HCN1: variants seen among roughly 807,000 people sequenced by gnomAD.
HCN1 encodes the protein potassium/sodium hyperpolarization-activated cyclic nucleotide-gated channel 1.
HCN1 carries 13 observed loss-of-function variants against 78.9 expected under a neutral mutation model. That is an observed-to-expected ratio of 0.16 (90% CI 0.11 to 0.26). The LOEUF (loss-of-function observed/expected upper bound fraction) is 0.26, where lower values mean the gene tolerates loss of function less well. Ranked by LOEUF, HCN1 falls within the 10% of genes least tolerant of loss-of-function variation. The probability of loss-of-function intolerance (pLI) is 1.00; values close to 1 mark genes in which losing one functional copy is unlikely to be tolerated. For missense variants in HCN1, 810 were observed against 1,154.3 expected (o/e 0.70, Z 4.32); for synonymous variants, 552 against 455.5 (o/e 1.21, Z -2.70).
chr5:45,262,212 G>C lies in HCN1; in HGVS notation c.2382C>G (p.Pro794=), dbSNP rs754764304. 5 of 1,613,898 alleles carry C rather than the reference G, an allele frequency of 3.1e-6. No individual in the cohort carries two copies. Among genetic ancestry groups the C allele is most frequent in the Non-Finnish European group, 4.2e-6 (5 of 1,180,042 alleles). The part of the protein sequence containing the change: ...RPLSASQPSL[P]HEVSTLISRP... ...TGGAAATCAGAGTGGACACCTCATG[G>C]GGCAGCGAGGGCTGCGAGGCGGAGA... The change falls in exon 8 of 8, where the codon CCC becomes CCG. Residue 794 remains proline, a synonymous_variant. Coordinates refer to ENST00000303230, the MANE Select transcript of HCN1 (RefSeq NM_021072.4).
intron 4 of HCN1, among the ~76,000 whole-genome samples, chr5:45,371,458 C>T (rs1747356188): frequency 6.6e-6 from 1 of 151,590 alleles, no homozygotes; most frequent in Non-Finnish European, 1.5e-5. Context: ...CCACTGAACC[C>T]ACTGAAATAC....
intron 5 of HCN1, among the ~76,000 whole-genome samples, chr5:45,314,158 G>A (rs890274429): frequency 2.6e-5 from 4 of 152,258 alleles, no homozygotes; most frequent in East Asian, 3.9e-4. Flanking sequence ...GACTAACAGC[G>A]AATCTCTCGG....
chr5:45,544,988 G>C lies in HCN1; in HGVS notation c.850-82981C>G, dbSNP rs1192042205. The stretch of plus-strand genomic sequence containing the variant: ...CAGTAATGGGATGGCTGGGTCAAAT[G>C]GTATTTCTAGTTCTAGATCCCTGAG... On this transcript the variant is annotated intron_variant, in intron 2 of 7. Transcript: ENST00000303230. Among the ~76,000 whole-genome samples, 3 of 152,054 alleles carry C rather than the reference G, an allele frequency of 2.0e-5. No individual in the cohort carries two copies. The East Asian group carries it at 5.8e-4, about 29-fold the overall frequency.
At chr5:45,666,925 G>T (rs1279868717) in intron 1 of HCN1, among the ~76,000 whole-genome samples, 3 of 151,938 alleles carry the variant, frequency 2.0e-5, no homozygotes, top group Non-Finnish European at 4.4e-5. Context: ...AATCAGGGGG[G>T]TGGGAATGAT....
rs1470367144 is a variant in HCN1, at chr5:45,444,317, A to G, written c.1011+17529T>C. 2.0e-5 allele frequency among the ~76,000 whole-genome samples: 3 copies of G among 152,240 alleles called. No homozygotes were observed. In the East Asian group the frequency reaches 5.8e-4, roughly 29 times the overall value. Reference sequence around the variant, plus strand: ...AGTTTTGAAAGCATCATTTCAGAATATAAGCAGACAGCCAGTGAGTATTTA... The same window carrying G: ...AGTTTTGAAAGCATCATTTCAGAATGTAAGCAGACAGCCAGTGAGTATTTA... On this transcript the variant is annotated intron_variant, in intron 3 of 7. Coordinates refer to ENST00000303230, the MANE Select transcript of HCN1 (RefSeq NM_021072.4).
chr5:45,637,107 T>G (rs138404423), intron 2 of HCN1, among the ~76,000 whole-genome samples: 34 of 152,276 alleles, frequency 2.2e-4, no homozygotes, highest in African/African-American at 7.7e-4. Flanking sequence ...TTGATTAATT[T>G]TTCCATGATT....
intron 5 of HCN1, among the ~76,000 whole-genome samples, chr5:45,319,765 A>G (rs992489233): frequency 6.6e-6 from 1 of 151,664 alleles, no homozygotes; most frequent in Non-Finnish European, 1.5e-5. Flanking sequence ...TTCTAGAAGG[A>G]TTTATGTTAA....
At position 45,375,721 on chromosome 5, in the gene HCN1, T is replaced by G. The variant is rs189339173; in HGVS notation, c.1230+20771A>C. ...ATTTTATGATACATATTATATATAA[T>G]ATCATATTTTATGATATATCTTATA... On this transcript the variant is annotated intron_variant, in intron 4 of 7. Transcript: ENST00000303230. Among the ~76,000 whole-genome samples the G allele has an allele frequency of 8.4e-3, 907 of 107,386 alleles. 12 individuals carry two copies. The highest frequency in any genetic ancestry group is 0.022 in the South Asian group (86 of 3,954). The allele number at this position is 107,386 out of a possible 152,430, so 70.4% of individuals were successfully genotyped here.
intron 3 of HCN1, among the ~76,000 whole-genome samples, chr5:45,431,990 T>C (rs961726416): frequency 6.6e-6 from 1 of 152,214 alleles, no homozygotes; most frequent in African/African-American, 2.4e-5. Flanking sequence ...GGTAGTTTCA[T>C]ACAAATAGCA....
intron 5 of HCN1, among the ~76,000 whole-genome samples, chr5:45,321,266 G>A (rs868602837): frequency 7.2e-5 from 11 of 151,846 alleles, no homozygotes; most frequent in African/African-American, 2.7e-4. Context: ...TTTTGAGCTA[G>A]GTAGTTCGCA....
In HCN1 at chr5:45,470,946, C is replaced by G. The variant is rs566016368; in HGVS notation, c.850-8939G>C. Reference sequence around the variant, plus strand: ...TTAACATTATCATGTAATTTCCTCACTCTGTCTCAGTTTATAGTTTTATTT... The same window carrying G: ...TTAACATTATCATGTAATTTCCTCAGTCTGTCTCAGTTTATAGTTTTATTT... On this transcript the variant is annotated intron_variant, in intron 2 of 7. Coordinates refer to ENST00000303230, the MANE Select transcript of HCN1 (RefSeq NM_021072.4). Among the ~76,000 whole-genome samples, 6 of 151,982 alleles carry G rather than the reference C, an allele frequency of 3.9e-5. No homozygotes were observed. In the South Asian group the frequency reaches 1.2e-3, roughly 31 times the overall value.
intron 1 of HCN1, among the ~76,000 whole-genome samples, chr5:45,658,254 C>A (rs1047388551): frequency 2.6e-5 from 4 of 152,178 alleles, no homozygotes; most frequent in African/African-American, 9.7e-5. Flanking sequence ...GGATTAAAGA[C>A]TTAAATGTTA....
intron 4 of HCN1, among the ~76,000 whole-genome samples, chr5:45,376,296 G>C (rs373878940): frequency 5.0e-3 from 35 of 6,942 alleles, no homozygotes; most frequent in Admixed American, 9.4e-3. Context: ...GATATATATT[G>C]TATTATATAT....
At chr5:45,633,791 A>G (rs1313769771) in intron 2 of HCN1, among the ~76,000 whole-genome samples, 1 of 151,940 alleles carries the variant, frequency 6.6e-6, no homozygotes, top group Non-Finnish European at 1.5e-5. Flanking sequence ...GCAATGTTTA[A>G]CTGGTTGTAT....
intron 2 of HCN1, among the ~76,000 whole-genome samples, chr5:45,572,618 T>C (rs1743859328): frequency 6.6e-6 from 1 of 152,162 alleles, no homozygotes; most frequent in Non-Finnish European, 1.5e-5. Flanking sequence ...TTTTCTAAAT[T>C]GGGGAAATAT....
rs956825243 is a variant in HCN1 at position 45,439,157 on chromosome 5, T to C, written c.1011+22689A>G. Among the ~76,000 whole-genome samples the C allele has an allele frequency of 4.6e-5, 7 of 152,266 alleles. No homozygotes were observed. The East Asian group carries it at 1.4e-3, about 29-fold the overall frequency. On this transcript the variant is annotated intron_variant, in intron 3 of 7. Coordinates refer to ENST00000303230, the MANE Select transcript of HCN1 (RefSeq NM_021072.4). ...TCAATTTAATAATATGATTATCTTG[T>C]TTATTTTCAAGTACCAATAGCCCAT...
At chr5:45,485,981 G>C (rs1016045804) in intron 2 of HCN1, among the ~76,000 whole-genome samples, 7 of 152,166 alleles carry the variant, frequency 4.6e-5, no homozygotes, top group Admixed American at 1.3e-4. Context: ...CATTGTATTT[G>C]AGTTATGCAC....
chr5:45,669,104 T>A (rs1051729460), intron 1 of HCN1, among the ~76,000 whole-genome samples: 2 of 151,858 alleles, frequency 1.3e-5, no homozygotes, highest in African/African-American at 2.4e-5. Context: ...AAAGTTCCAA[T>A]AGTTTACTCA....
intron 1 of HCN1, among the ~76,000 whole-genome samples, chr5:45,684,989 A>T (rs1739774615): frequency 6.6e-6 from 1 of 152,246 alleles, no homozygotes. Flanking sequence ...TTAATAAAAT[A>T]AGGCTAAAAC....
Sources: allele counts gnomAD v4.1 joint callset (sites outside exome capture counted in the v4.1 genomes callset), GRCh38; gene constraint gnomAD v4.1.1; transcripts MANE v1.5; gene names NCBI Gene and HGNC (gene_info 2026-07-23, HGNC 2026-07-21).